HDAC5: variants seen among roughly 807,000 people sequenced by gnomAD.
HDAC5 encodes the protein histone deacetylase 5.
A neutral mutation model predicts 133.3 loss-of-function variants in HDAC5; 25 were observed. The observed-to-expected ratio is 0.19, with a 90% CI of 0.14 to 0.26. HDAC5 has a LOEUF of 0.26. Among genes scored for constraint, HDAC5 ranks in the 10% least tolerant of loss-of-function variants. The probability of loss-of-function intolerance (pLI) is 1.00; values close to 1 mark genes in which losing one functional copy is unlikely to be tolerated. For missense variants in HDAC5, 1,041 were observed against 1,460.5 expected (o/e 0.71, Z 4.68); for synonymous variants, 589 against 610.8 (o/e 0.96, Z 0.53).
intron 3 of HDAC5, 36 bp from the exon 4 acceptor site, chr17:44,093,870 C>T (rs776325284): frequency 6.9e-7 from 1 of 1,454,660 alleles, no homozygotes; most frequent in African/African-American, 1.4e-5. Context: ...GTTAGTGGGC[C>T]CAGCCCCAGA....
rs773575696 is a variant in HDAC5 at position 44,108,751 on chromosome 17, C to CAAAA, written c.94+1974_94+1977dup. On this transcript the variant is annotated intron_variant, in intron 3 of 26. Coordinates refer to ENST00000682912, the MANE Select transcript of HDAC5 (RefSeq NM_005474.5). ...AAACATCTATTTACATTCCAGAGTC[C>CAAAA]AAAAAAAAAACAAAAAAAAAACAAA... 3.9e-4 allele frequency among the ~76,000 whole-genome samples: 22 copies of CAAAA among 56,954 alleles called. 1 individual carries two copies. Among genetic ancestry groups the CAAAA allele is most frequent in the African/African-American group, 1.2e-3 (22 of 18,418 alleles). 37.4% of individuals were successfully genotyped at this position (56,954 alleles called of 152,430 possible). A position where few individuals can be genotyped will look rare whatever the true frequency, so the allele number is the denominator to read the frequency against.
At chr17:44,078,935 C>T in intron 24 of HDAC5, 56 bp from the exon 25 acceptor site, 1 of 1,573,782 alleles carries the variant, frequency 6.4e-7, no homozygotes, top group Admixed American at 1.7e-5. Context: ...CCATGCATAC[C>T]CCTCTAACTG....
At chr17:44,078,464 G>A (rs1278724627) in intron 26 of HDAC5, 36 bp downstream of exon 26, 3 of 1,582,174 alleles carry the variant, frequency 1.9e-6, no homozygotes, top group Non-Finnish European at 2.6e-6. Flanking sequence ...CACCAGCAGG[G>A]GTGAGGGCAG....
At chr17:44,091,920 G>C in intron 9 of HDAC5, 89 bp from the exon 10 acceptor site, 1 of 1,428,402 alleles carries the variant, frequency 7.0e-7, no homozygotes. Context: ...CAAGGTCTCT[G>C]AATGGTGCCC....
At chr17:44,079,755 C>G (rs1253383085) in intron 23 of HDAC5, among the ~76,000 whole-genome samples, 1 of 151,180 alleles carries the variant, frequency 6.6e-6, no homozygotes, top group Non-Finnish European at 1.5e-5. Flanking sequence ...TAATAAAATA[C>G]AGCATCAGTG....
chr17:44,085,963 C>T (rs188129363), intron 14 of HDAC5, among the ~76,000 whole-genome samples: 1 of 152,140 alleles, frequency 6.6e-6, no homozygotes, highest in Admixed American at 6.5e-5. Flanking sequence ...GCCTTTGCCC[C>T]CTCTTGACTC....
In HDAC5 at chr17:44,082,648, TAC is replaced by T; in HGVS notation, c.2542_2543del (p.Val848SerfsTer36). Reference sequence around the variant, plus strand: ...GCTGTAGGAGTTTTGCGGTGATGGCTACAGAGTTGAAGAAGCAGAATCCCCTG... The same window carrying T: ...GCTGTAGGAGTTTTGCGGTGATGGCTAGAGTTGAAGAAGCAGAATCCCCTG... ...TAMGFCFFNS[V>X]AITAKLLQQK... On this transcript the variant is annotated frameshift_variant, in exon 20 of 27. Coordinates refer to ENST00000682912, the MANE Select transcript of HDAC5 (RefSeq NM_005474.5). LOFTEE classifies it high-confidence loss of function. The T allele has an allele frequency of 6.2e-7, 1 of 1,614,042 alleles. No individual in the cohort carries two copies. Among genetic ancestry groups the T allele is most frequent in the Non-Finnish European group, 8.5e-7 (1 of 1,179,974 alleles).
intron 16 of HDAC5, 49 bp from the exon 17 acceptor site, chr17:44,083,903 C>T: frequency 1.3e-6 from 2 of 1,500,276 alleles, no homozygotes; most frequent in Non-Finnish European, 1.9e-6. Context: ...TCGGGCGGAT[C>T]ACCTGAGGTC....
At chr17:44,083,460 A>C in intron 18 of HDAC5, 85 bp downstream of exon 18, 1 of 950,178 alleles carries the variant, frequency 1.1e-6, no homozygotes, top group Non-Finnish European at 1.6e-6. Flanking sequence ...TGCCTCACTG[A>C]AAGGATCCCA....
At position 44,093,773 on chromosome 17, in the gene HDAC5, G is replaced by A. The variant is rs775804698; in HGVS notation, c.156C>T (p.Gly52=). 2 of 1,578,808 alleles carry A rather than the reference G, an allele frequency of 1.3e-6. No homozygotes were observed. Among genetic ancestry groups the A allele is most frequent in the East Asian group, 2.3e-5 (1 of 44,414 alleles). Residue 52 remains glycine (G), a synonymous_variant, in exon 4 of 27, where the codon GGC becomes GGT. Coordinates refer to ENST00000682912, the MANE Select transcript of HDAC5 (RefSeq NM_005474.5). ...MPSSMGGGGG[G]SPSPVELRGA... is the part of the protein sequence containing the mutation. ...CCCGTAGCTCCACAGGGCTGGGGCT[G>A]CCTCCACCCCCACCCCCCATGGAAC...
intron 3 of HDAC5, among the ~76,000 whole-genome samples, chr17:44,108,718 T>A (rs2052129225): frequency 6.9e-6 from 1 of 144,556 alleles, no homozygotes; most frequent in Admixed American, 6.9e-5. Context: ...TTAAAGTGTT[T>A]CTATTTGAAA....
chr17:44,086,422 T>C (rs1338403457), intron 14 of HDAC5, 150 bp downstream of exon 14: 5 of 538,588 alleles, frequency 9.3e-6, no homozygotes, highest in Non-Finnish European at 1.5e-5. Flanking sequence ...TGAACAGCTC[T>C]GGGGTACAGG....
In HDAC5 at chr17:44,078,822, T is replaced by A; in HGVS notation, c.3136A>T (p.Thr1046Ser). 1 of 1,614,174 alleles carries A rather than the reference T, an allele frequency of 6.2e-7. No individual in the cohort carries two copies. Among genetic ancestry groups the A allele is most frequent in the Non-Finnish European group, 8.5e-7 (1 of 1,180,010 alleles). ...TGGATCTCGATGACTTTCTCTAGCGTGGCCACTGCGTTGATGTTGGGCTTT... is the reference window on the plus strand; with the variant it reads ...TGGATCTCGATGACTTTCTCTAGCGAGGCCACTGCGTTGATGTTGGGCTTT... ...QQKPNINAVATLEKVIEIQSK... is the reference protein window; with the variant it reads ...QQKPNINAVASLEKVIEIQSK... The change falls in exon 25 of 27, where the codon ACG becomes TCG. Residue 1046 changes from threonine to serine, a missense_variant. Coordinates refer to ENST00000682912, the MANE Select transcript of HDAC5 (RefSeq NM_005474.5).
chr17:44,106,593 C>CTT (rs34373757), intron 3 of HDAC5, among the ~76,000 whole-genome samples: 2 of 143,956 alleles, frequency 1.4e-5, no homozygotes, highest in African/African-American at 2.5e-5. Flanking sequence ...ACAAAAGAAG[C>CTT]TTTTTTTTTT....
intron 3 of HDAC5, among the ~76,000 whole-genome samples, chr17:44,109,267 G>C (rs954833230): frequency 1.3e-5 from 2 of 152,220 alleles, no homozygotes; most frequent in African/African-American, 4.8e-5. Context: ...CCCAGAGGCT[G>C]TGGGCTAGGG....
chr17:44,121,307 A>G (rs1433568539), intron 1 of HDAC5, among the ~76,000 whole-genome samples: 1 of 152,094 alleles, frequency 6.6e-6, no homozygotes, highest in Non-Finnish European at 1.5e-5. Context: ...GAAGAAAGGC[A>G]GAGAAAGTTT....
intron 3 of HDAC5, among the ~76,000 whole-genome samples, chr17:44,097,777 C>G (rs1288968003): frequency 1.3e-5 from 2 of 152,264 alleles, no homozygotes; most frequent in Non-Finnish European, 2.9e-5. Context: ...TGGCTCCCAG[C>G]AGATAACCCT....
chr17:44,119,132 T>C (rs762254167), intron 1 of HDAC5, among the ~76,000 whole-genome samples: 1 of 152,088 alleles, frequency 6.6e-6, no homozygotes, highest in Non-Finnish European at 1.5e-5. Flanking sequence ...GGCACAGGTA[T>C]GGGATTAAGA....
chr17:44,111,004 G>A (rs933773061), intron 2 of HDAC5: 22 of 571,902 alleles, frequency 3.8e-5, no homozygotes, highest in South Asian at 3.0e-4. Context: ...TGCCTCATCC[G>A]GCCTGGGCAC....
Sources: gnomAD v4.1 joint callset for allele counts (sites outside exome capture counted in the v4.1 genomes callset) on GRCh38, gnomAD v4.1.1 for gene constraint, MANE v1.5 for transcripts, NCBI Gene and HGNC (gene_info 2026-07-23, HGNC 2026-07-21) for gene names.